Variants in CRB1 observed in about 807,000 individuals in gnomAD.
CRB1 encodes crumbs cell polarity complex component 1.
Under a neutral mutation model 120.0 loss-of-function variants are expected in CRB1, and 83 were observed. The ratio of observed to expected loss-of-function variants is 0.69; its 90% CI spans 0.58 to 0.83. CRB1 has a LOEUF of 0.83. CRB1 is among the 40% of genes least tolerant of loss of function. The pLI is 0.00. For synonymous variants in CRB1, 625 were observed against 612.5 expected (o/e 1.02, Z -0.30); for missense variants, 1,699 against 1,687.6 (o/e 1.01, Z -0.12).
chr1:197,384,794 A>G (rs923185462), intron 5 of CRB1, among the ~76,000 whole-genome samples: 5 of 152,096 alleles, frequency 3.3e-5, no homozygotes, highest in African/African-American at 7.2e-5. Flanking sequence ...CCACATTTGC[A>G]TATTTATATT....
chr1:197,454,646 A>T (rs572132450), intron 11 of CRB1, among the ~76,000 whole-genome samples: 57 of 152,278 alleles, frequency 3.7e-4, no homozygotes, highest in African/African-American at 1.4e-3. Flanking sequence ...TAAGCCATAG[A>T]CAACTGTGGG....
the CRB1 span, among the ~76,000 whole-genome samples, chr1:197,234,140 T>A: frequency 6.6e-6 from 1 of 152,252 alleles, no homozygotes; most frequent in East Asian, 1.9e-4. Context: ...ATATTTTTAT[T>A]ACTTGTTGTA....
At chr1:197,365,438 C>A (rs376754925) in intron 5 of CRB1, among the ~76,000 whole-genome samples, 1 of 152,098 alleles carries the variant, frequency 6.6e-6, no homozygotes, top group Non-Finnish European at 1.5e-5. Flanking sequence ...CTTCACATAA[C>A]AGGCCATTGT....
At chr1:197,209,330 TTTTTGTTTTGTTTTG>T in the CRB1 span, among the ~76,000 whole-genome samples, 2 of 151,380 alleles carry the variant, frequency 1.3e-5, no homozygotes, top group African/African-American at 4.8e-5. Flanking sequence ...TTTGTTTTTG[TTTTTGTTTTGTTTTG>T]TTTTGTTTTG....
intron 5 of CRB1, among the ~76,000 whole-genome samples, chr1:197,392,710 T>A (rs1662568660): frequency 6.6e-6 from 1 of 152,166 alleles, no homozygotes; most frequent in South Asian, 2.1e-4. Context: ...TCAATATGAC[T>A]ACAGAGCTTG....
chr1:197,212,417 T>C, the CRB1 span, among the ~76,000 whole-genome samples: 62 of 152,170 alleles, frequency 4.1e-4, no homozygotes, highest in South Asian at 0.012. Flanking sequence ...GTTTGTATAA[T>C]AAAATACTAC....
intron 5 of CRB1, among the ~76,000 whole-genome samples, chr1:197,401,452 A>G (rs1050914888): frequency 6.6e-6 from 1 of 152,176 alleles, no homozygotes; most frequent in Admixed American, 6.5e-5. Flanking sequence ...CATCTTTTCC[A>G]TGATAGCATG....
At position 197,391,314 on chromosome 1, in the gene CRB1, A is replaced by G. The variant is rs541904294; in HGVS notation, c.1172-29686A>G. 3.9e-5 allele frequency among the ~76,000 whole-genome samples: 6 copies of G among 152,256 alleles called. No homozygotes were observed. In the South Asian group the frequency reaches 1.2e-3, roughly 32 times the overall value. On this transcript the variant is annotated intron_variant, in intron 5 of 11. Transcript: ENST00000367400. ...TGTCCACCTCCTATAATAACCATTG[A>G]TCCCACAGGCTAATTTCAACCAACT...
At chr1:197,430,153 A>G (rs1007838390) in intron 8 of CRB1, among the ~76,000 whole-genome samples, 1 of 152,232 alleles carries the variant, frequency 6.6e-6, no homozygotes. Context: ...TTTCCTGTCC[A>G]TCTTCTGTAC....
At chr1:197,256,936 T>C in the CRB1 span, among the ~76,000 whole-genome samples, 1 of 87,886 alleles carries the variant, frequency 1.1e-5, no homozygotes, top group Non-Finnish European at 2.8e-5. Flanking sequence ...GATTTGCGTG[T>C]GTGTGTGTGT....
chr1:197,460,113 C>T (rs1228092871), intron 11 of CRB1, among the ~76,000 whole-genome samples: 1 of 144,788 alleles, frequency 6.9e-6, no homozygotes, highest in Non-Finnish European at 1.5e-5. Context: ...TCTCAAAGGG[C>T]CAAAGACATG....
chr1:197,351,431 T>C (rs1660101706), intron 4 of CRB1, among the ~76,000 whole-genome samples: 1 of 151,006 alleles, frequency 6.6e-6, no homozygotes, highest in Admixed American at 6.6e-5. Context: ...CATGTCCAAT[T>C]GTGGAACTTT....
At chr1:197,451,978 A>G (rs1665996577) in intron 11 of CRB1, among the ~76,000 whole-genome samples, 1 of 152,114 alleles carries the variant, frequency 6.6e-6, no homozygotes, top group African/African-American at 2.4e-5. Context: ...GGTTAAACTG[A>G]CTCCATAATA....
chr1:197,236,877 A>C, the CRB1 span, among the ~76,000 whole-genome samples: 1 of 152,180 alleles, frequency 6.6e-6, no homozygotes, highest in East Asian at 1.9e-4. Context: ...TGTGGTATAT[A>C]ATTCTCTTTA....
intron 1 of CRB1, among the ~76,000 whole-genome samples, chr1:197,274,790 T>G (rs1007747204): frequency 1.3e-5 from 2 of 152,164 alleles, no homozygotes; most frequent in Non-Finnish European, 2.9e-5. Context: ...CTGAAAAATA[T>G]TCCATTATAT....
chr1:197,301,077 A>C (rs1368897256), intron 1 of CRB1, among the ~76,000 whole-genome samples: 1 of 151,824 alleles, frequency 6.6e-6, no homozygotes, highest in Non-Finnish European at 1.5e-5. Flanking sequence ...CAATGCCCCT[A>C]GTCACCCAAG....
At chr1:197,340,853 T>A (rs1166512058) in intron 2 of CRB1, among the ~76,000 whole-genome samples, 1 of 152,150 alleles carries the variant, frequency 6.6e-6, no homozygotes, top group Admixed American at 6.5e-5. Context: ...ACTCTGCTAA[T>A]AAAGACATAC....
At chr1:197,370,230 A>G (rs553120242) in intron 5 of CRB1, among the ~76,000 whole-genome samples, 18 of 119,866 alleles carry the variant, frequency 1.5e-4, no homozygotes, top group Middle Eastern at 9.4e-3. Context: ...CCATAAAACA[A>G]TAACACAATG....
At chr1:197,449,136 T>C (rs1368053790) in intron 11 of CRB1, among the ~76,000 whole-genome samples, 2 of 152,200 alleles carry the variant, frequency 1.3e-5, no homozygotes. Context: ...TTCCCTTAGT[T>C]GTAACATCAT....
Sources: allele counts gnomAD v4.1 joint callset (sites outside exome capture counted in the v4.1 genomes callset), GRCh38; gene constraint gnomAD v4.1.1; transcripts MANE v1.5; gene names NCBI Gene and HGNC (gene_info 2026-07-23, HGNC 2026-07-21).